Variants in XRN1 observed in about 807,000 individuals in gnomAD.
XRN1 encodes the protein strand-exchange protein 1 homolog.
XRN1 carries 67 observed loss-of-function variants against 222.3 expected under a neutral mutation model. The ratio of observed to expected loss-of-function variants is 0.30; its 90% CI spans 0.25 to 0.37. XRN1 has a LOEUF of 0.37. XRN1 is among the 10% of genes least tolerant of loss of function. The pLI is 1.00. For missense variants in XRN1, 1,707 were observed against 2,000.2 expected, an observed-to-expected ratio of 0.85 and a Z score of 2.80; for synonymous variants, 643 against 652.4, an observed-to-expected ratio of 0.99 and a Z score of 0.22.
chr3:142,443,996 A>C (rs1431839630), intron 1 of XRN1, among the ~76,000 whole-genome samples: 9 of 152,264 alleles, frequency 5.9e-5, no homozygotes. Context: ...CAAACATTGC[A>C]TGTTCTCACT....
At chr3:142,332,756 T>C (rs751865781) in intron 35 of XRN1, 5 of 766,042 alleles carry the variant, frequency 6.5e-6, no homozygotes, top group Non-Finnish European at 7.8e-6. Context: ...AGTTACCTAG[T>C]AGCAATGTTT....
chr3:142,336,681 A>G (rs2065861844), intron 33 of XRN1, among the ~76,000 whole-genome samples: 1 of 152,124 alleles, frequency 6.6e-6, no homozygotes, highest in African/African-American at 2.4e-5. Flanking sequence ...GGAAGGGAAG[A>G]AAGTAATCTT....
chr3:142,423,726 A>G (rs1282767580), intron 5 of XRN1, 84 bp from the exon 6 acceptor site: 2 of 1,034,244 alleles, frequency 1.9e-6, no homozygotes, highest in African/African-American at 1.7e-5. Flanking sequence ...AAACAATTCT[A>G]TACAAGGAAG....
At chr3:142,329,779 G>A (rs1235308901) in intron 36 of XRN1, among the ~76,000 whole-genome samples, 164 bp from the exon 37 acceptor site, 2 of 152,160 alleles carry the variant, frequency 1.3e-5, no homozygotes, top group Non-Finnish European at 2.9e-5. Flanking sequence ...ATTTCAGGTG[G>A]CTCTAGTTCC....
chr3:142,374,971 C>G (rs996869947), intron 25 of XRN1, among the ~76,000 whole-genome samples: 1 of 152,118 alleles, frequency 6.6e-6, no homozygotes, highest in Non-Finnish European at 1.5e-5. Context: ...ATGTGAGACA[C>G]CCAGCGAGAA....
chr3:142,315,232 G>A (rs919492869), intron 39 of XRN1, among the ~76,000 whole-genome samples: 2 of 152,102 alleles, frequency 1.3e-5, no homozygotes, highest in Admixed American at 1.3e-4. Flanking sequence ...ACCACACTCA[G>A]CTATCTGTTT....
At chr3:142,402,355 G>A (rs2068175346) in intron 18 of XRN1, among the ~76,000 whole-genome samples, 3 of 151,846 alleles carry the variant, frequency 2.0e-5, no homozygotes, top group African/African-American at 4.8e-5. Flanking sequence ...GCTAATTTTT[G>A]TATTTTCAGT....
At chr3:142,412,482 C>T in intron 15 of XRN1, 62 bp downstream of exon 15, 2 of 1,457,650 alleles carry the variant, frequency 1.4e-6, no homozygotes, top group Admixed American at 1.9e-5. Context: ...GCTCATTAAC[C>T]TATGTGAAAT....
intron 12 of XRN1, 64 bp from the exon 13 acceptor site, chr3:142,417,293 G>A (rs2068825706): frequency 3.1e-6 from 4 of 1,307,856 alleles, no homozygotes; most frequent in Non-Finnish European, 4.3e-6. Context: ...TTTAGAGCAC[G>A]GTATCTGCTG....
chr3:142,407,815 G>A (rs2068403844), intron 15 of XRN1: 3 of 152,042 alleles, frequency 2.0e-5, no homozygotes, highest in Admixed American at 2.0e-4. Flanking sequence ...AATGTTCACA[G>A]TTCTCTTCAA....
chr3:142,443,425 A>G (rs1258295971), intron 1 of XRN1, among the ~76,000 whole-genome samples: 1 of 149,268 alleles, frequency 6.7e-6, no homozygotes, highest in Non-Finnish European at 1.5e-5. Context: ...GGGGCTTGCA[A>G]CTTAGCTCAC....
intron 1 of XRN1, chr3:142,435,150 C>T (rs1480969371): frequency 6.6e-6 from 1 of 152,114 alleles, no homozygotes; most frequent in East Asian, 1.9e-4. Flanking sequence ...AATCCCAGCA[C>T]TTTGAGAGGC....
intron 33 of XRN1, among the ~76,000 whole-genome samples, chr3:142,336,325 T>C (rs1380679974): frequency 1.3e-5 from 2 of 152,136 alleles, no homozygotes; most frequent in South Asian, 2.1e-4. Flanking sequence ...TACTGGATTA[T>C]ATAGCTATAT....
rs1294134771 is a variant in XRN1, at chr3:142,410,446, T to C, written c.1713+2098A>G. 2.6e-5 allele frequency among the ~76,000 whole-genome samples: 4 copies of C among 151,636 alleles called. No homozygotes were observed. In the East Asian group the frequency reaches 5.8e-4, roughly 22 times the overall value. ...TTCTAAAATAAATCCCATTTGGTCA[T>C]GAGTATTATCCTTCTTATACGCTGT... On this transcript the variant is annotated intron_variant, in intron 15 of 40. Coordinates refer to ENST00000392981, the MANE Select transcript of XRN1 (RefSeq NM_001282857.2).
At chr3:142,422,152 T>G (rs1450218992) in intron 8 of XRN1, among the ~76,000 whole-genome samples, 1 of 151,952 alleles carries the variant, frequency 6.6e-6, no homozygotes, top group Non-Finnish European at 1.5e-5. Flanking sequence ...CTGGTCAATA[T>G]GGTAAAACCC....
In XRN1 at chr3:142,312,684, G is replaced by A; in HGVS notation, c.4696C>T (p.Pro1566Ser). Residue 1566 changes from proline to serine, a missense_variant, in exon 40 of 41, where the codon CCC (proline) becomes TCC (serine). Coordinates refer to ENST00000392981, the MANE Select transcript of XRN1 (RefSeq NM_001282857.2). ...WGPSVPVPGKPFHHTLYSGTM... is the reference protein window; with the variant it reads ...WGPSVPVPGKSFHHTLYSGTM... Reference sequence around the variant, plus strand: ...CCAGAATATAAAGTATGATGGAAGGGCTTCCCAGGAACTGGCACCGATGGT... The same window carrying A: ...CCAGAATATAAAGTATGATGGAAGGACTTCCCAGGAACTGGCACCGATGGT... The A allele has an allele frequency of 6.2e-7, 1 of 1,613,896 alleles. No individual in the cohort carries two copies. The highest frequency in any genetic ancestry group is 1.3e-5 in the African/African-American group (1 of 75,026).
At chr3:142,326,489 T>C (rs1358588680) in intron 37 of XRN1, among the ~76,000 whole-genome samples, 6 of 152,260 alleles carry the variant, frequency 3.9e-5, no homozygotes, top group African/African-American at 7.2e-5. Flanking sequence ...ATGTGACTGA[T>C]TGTATGTTGA....
rs2065626565 is a variant in XRN1 at position 142,329,417 on chromosome 3, A to T, written c.4404+17T>A. On this transcript the variant is annotated intron_variant, in intron 37 of 40. Transcript: ENST00000392981. Reference sequence around the variant, plus strand: ...ATGTTAAATAATTTATATAAATAGAACAGTAGTATACTATACCTGTGGCAT... The same window carrying T: ...ATGTTAAATAATTTATATAAATAGATCAGTAGTATACTATACCTGTGGCAT... The T allele has an allele frequency of 7.0e-7, 1 of 1,432,992 alleles. No homozygotes were observed. Among genetic ancestry groups the T allele is most frequent in the African/African-American group, 1.5e-5 (1 of 66,984 alleles). The allele number at this position is 1,432,992 out of a possible 1,614,324, so 88.8% of individuals were successfully genotyped here.
chr3:142,439,865 G>A (rs72990464), intron 1 of XRN1, among the ~76,000 whole-genome samples: 1,629 of 152,228 alleles, frequency 0.011, 25 homozygotes, highest in African/African-American at 0.038. Flanking sequence ...CTTCCAGTGC[G>A]GTCCGCAAGG....
Sources: gnomAD v4.1 joint callset for allele counts (sites outside exome capture counted in the v4.1 genomes callset) on GRCh38, gnomAD v4.1.1 for gene constraint, MANE v1.5 for transcripts, NCBI Gene and HGNC (gene_info 2026-07-23, HGNC 2026-07-21) for gene names.